Variants in PRKAG2 observed in about 807,000 individuals in gnomAD.
The protein encoded by PRKAG2 is 5'-AMP-activated protein kinase subunit gamma-2.
Under a neutral mutation model 69.6 loss-of-function variants are expected in PRKAG2, and 26 were observed. The observed-to-expected ratio is 0.37, with a 90% CI of 0.27 to 0.52. PRKAG2 has a LOEUF of 0.52. PRKAG2 is among the 20% of genes least tolerant of loss of function. The pLI is 0.90. For missense variants in PRKAG2, 557 were observed against 740.0 expected (o/e 0.75, Z 2.87); for synonymous variants, 293 against 285.0 (o/e 1.03, Z -0.28).
intron 3 of PRKAG2, among the ~76,000 whole-genome samples, chr7:151,748,163 C>T (rs1483711943): frequency 3.3e-5 from 5 of 152,042 alleles, no homozygotes; most frequent in South Asian, 2.1e-4. Context: ...TCAAGTGATC[C>T]GCCCACCTCG....
At chr7:151,825,318 G>C (rs1251048705) in intron 1 of PRKAG2, among the ~76,000 whole-genome samples, 1 of 152,170 alleles carries the variant, frequency 6.6e-6, no homozygotes, top group Non-Finnish European at 1.5e-5. Context: ...AACCCAAATA[G>C]GACACGATTC....
chr7:151,724,743 G>A (rs1219755872), intron 3 of PRKAG2, among the ~76,000 whole-genome samples: 3 of 152,300 alleles, frequency 2.0e-5, no homozygotes, highest in African/African-American at 7.2e-5. Flanking sequence ...CACAAGTGCG[G>A]CTCTCCGCGC....
intron 1 of PRKAG2, among the ~76,000 whole-genome samples, chr7:151,795,338 G>A (rs1301694519): frequency 6.6e-6 from 1 of 152,136 alleles, no homozygotes; most frequent in East Asian, 1.9e-4. Flanking sequence ...AGGACCAGCA[G>A]CAGGCAGCCT....
At chr7:151,859,202 C>T (rs2079856100) in intron 1 of PRKAG2, among the ~76,000 whole-genome samples, 1 of 152,242 alleles carries the variant, frequency 6.6e-6, no homozygotes, top group Non-Finnish European at 1.5e-5. Flanking sequence ...AGGGAATGGG[C>T]TTCGAGGGTG....
At chr7:151,610,404 C>T (rs576581768) in intron 5 of PRKAG2, among the ~76,000 whole-genome samples, 6 of 145,996 alleles carry the variant, frequency 4.1e-5, no homozygotes, top group African/African-American at 1.3e-4. Flanking sequence ...GTGGGCTGGG[C>T]GCGGTGGCTT....
intron 5 of PRKAG2, among the ~76,000 whole-genome samples, chr7:151,613,653 A>G (rs1419848758): frequency 6.6e-6 from 1 of 151,320 alleles, no homozygotes; most frequent in Non-Finnish European, 1.5e-5. Flanking sequence ...ACCCACCACC[A>G]CGCCTGGCTA....
chr7:151,866,616 G>A (rs2080084883), intron 1 of PRKAG2, among the ~76,000 whole-genome samples: 1 of 152,146 alleles, frequency 6.6e-6, no homozygotes, highest in Non-Finnish European at 1.5e-5. Context: ...AGGTTGCATG[G>A]AGGAAGAAGG....
chr7:151,670,108 C>CTGCATGCACACACACT (rs1159761042), intron 4 of PRKAG2, among the ~76,000 whole-genome samples: 1 of 140,178 alleles, frequency 7.1e-6, no homozygotes, highest in Non-Finnish European at 1.6e-5. Context: ...GCACATACAC[C>CTGCATGCACACACACT]TGCATGCACA....
intron 3 of PRKAG2, among the ~76,000 whole-genome samples, chr7:151,744,891 T>A (rs2074171548): frequency 6.6e-6 from 1 of 152,170 alleles, no homozygotes; most frequent in African/African-American, 2.4e-5. Context: ...CCCGCAGCAG[T>A]TTCCTACATT....
chr7:151,855,586 A>G lies in PRKAG2; in HGVS notation c.114+20921T>C, dbSNP rs62480479. ...CCTCCACACACCACCCTACACACAC[A>G]CCACCCTCCACACACGCCACCCTCC... On this transcript the variant is annotated intron_variant, in intron 1 of 15. Coordinates refer to ENST00000287878, the MANE Select transcript of PRKAG2 (RefSeq NM_016203.4). Among the ~76,000 whole-genome samples, 1,027 of 119,110 alleles carry G rather than the reference A, an allele frequency of 8.6e-3. 42 individuals are homozygous for G. The highest frequency in any genetic ancestry group is 0.014 in the Non-Finnish European group (738 of 53,158). The allele number at this position is 119,110 out of a possible 152,430, so 78.1% of individuals were successfully genotyped here.
At chr7:151,839,058 C>T (rs939562792) in intron 1 of PRKAG2, among the ~76,000 whole-genome samples, 2 of 151,902 alleles carry the variant, frequency 1.3e-5, no homozygotes, top group African/African-American at 4.8e-5. Context: ...TCCTCTGAAG[C>T]CAGCTCTGCA....
chr7:151,833,139 G>A (rs2079075510), intron 1 of PRKAG2, among the ~76,000 whole-genome samples: 2 of 152,248 alleles, frequency 1.3e-5, no homozygotes, highest in Non-Finnish European at 2.9e-5. Context: ...GGTAAGAACT[G>A]TAAGAGAATC....
intron 3 of PRKAG2, among the ~76,000 whole-genome samples, chr7:151,718,834 C>A (rs1353696074): frequency 6.6e-6 from 1 of 152,054 alleles, no homozygotes; most frequent in Non-Finnish European, 1.5e-5. Flanking sequence ...TCCACCAAAC[C>A]AGAAGGCAGG....
rs372688184 is a variant in PRKAG2 at position 151,682,868 on chromosome 7, C to T, written c.467-7231G>A. Among the ~76,000 whole-genome samples, 40 of 152,248 alleles carry T rather than the reference C, an allele frequency of 2.6e-4. 1 individual carries two copies. In the Middle Eastern group the frequency reaches 0.014, roughly 52 times the overall value. On this transcript the variant is annotated intron_variant, in intron 3 of 15. Coordinates refer to ENST00000287878, the MANE Select transcript of PRKAG2 (RefSeq NM_016203.4). ...GAAACCCCAGGAAAGAGCTGGGCCC[C>T]GATCCTGGAGGAGGACACAGGTCTG...
intron 3 of PRKAG2, among the ~76,000 whole-genome samples, chr7:151,779,281 T>C (rs938281219): frequency 2.6e-5 from 4 of 152,218 alleles, no homozygotes. Flanking sequence ...CACCAAATGC[T>C]GTACTGAGCT....
chr7:151,838,575 T>C (rs1453932020), intron 1 of PRKAG2, among the ~76,000 whole-genome samples: 17 of 151,092 alleles, frequency 1.1e-4, no homozygotes, highest in African/African-American at 3.4e-4. Context: ...GGTGTGGTGG[T>C]GCATGCCTGT....
At chr7:151,746,154 G>A (rs557827833) in intron 3 of PRKAG2, among the ~76,000 whole-genome samples, 2 of 152,322 alleles carry the variant, frequency 1.3e-5, no homozygotes, top group South Asian at 2.1e-4. Context: ...GTTAACTCCC[G>A]GACTCAGCGG....
At chr7:151,785,155 C>T (rs768015909) in intron 2 of PRKAG2, among the ~76,000 whole-genome samples, 7 of 152,242 alleles carry the variant, frequency 4.6e-5, no homozygotes, top group Admixed American at 6.5e-5. Flanking sequence ...GGCATTCAGC[C>T]GTCTGCGGAG....
At chr7:151,793,129 T>C (rs1370667289) in intron 1 of PRKAG2, among the ~76,000 whole-genome samples, 3 of 152,246 alleles carry the variant, frequency 2.0e-5, no homozygotes, top group Admixed American at 1.3e-4. Context: ...ATCAGGAACA[T>C]TGTAAAGGAC....
Sources: gnomAD v4.1 joint callset for allele counts (sites outside exome capture counted in the v4.1 genomes callset) on GRCh38, gnomAD v4.1.1 for gene constraint, MANE v1.5 for transcripts, NCBI Gene and HGNC (gene_info 2026-07-23, HGNC 2026-07-21) for gene names.